Variants in PCDHGB6 observed in about 807,000 individuals in gnomAD.
PCDHGB6 encodes the protein protocadherin gamma subfamily B, 6.
In PCDHGB6, 51 loss-of-function variants were observed where a neutral mutation model predicts 59.1. That is an observed-to-expected ratio of 0.86 (90% CI 0.69 to 1.09). The LOEUF (loss-of-function observed/expected upper bound fraction) is 1.09. PCDHGB6 is among the 50% of genes least tolerant of loss of function. PCDHGB6 has a pLI of 0.00. For missense variants in PCDHGB6, 1,148 were observed against 1,205.1 expected (o/e 0.95, Z 0.70); for synonymous variants, 466 against 495.1 (o/e 0.94, Z 0.78).
At chr5:141,421,184 C>T (rs2096551183) in intron 1 of PCDHGB6, 4 of 1,457,822 alleles carry the variant, frequency 2.7e-6, no homozygotes, top group Non-Finnish European at 3.7e-6. Context: ...CGATTCACAA[C>T]CAACCAGCTC....
intron 1 of PCDHGB6, among the ~76,000 whole-genome samples, chr5:141,449,909 A>G (rs2098658849): frequency 6.6e-6 from 1 of 151,828 alleles, no homozygotes; most frequent in Non-Finnish European, 1.5e-5. Context: ...TATAGTCCAT[A>G]TTTAAATTCT....
At position 141,414,606 on chromosome 5, in the gene PCDHGB6, A is replaced by G. The variant is rs760846889; in HGVS notation, c.2418+3986A>G. ...ACGCCAGGGGTGCCTCCATCTTCTCAGTGACAGCGCTGGACCCGGACAGCA... is the reference window on the plus strand; with the variant it reads ...ACGCCAGGGGTGCCTCCATCTTCTCGGTGACAGCGCTGGACCCGGACAGCA... On this transcript the variant is annotated intron_variant, in intron 1 of 3. Coordinates refer to ENST00000520790, the MANE Select transcript of PCDHGB6 (RefSeq NM_018926.3). The G allele has an allele frequency of 1.6e-5, 26 of 1,613,826 alleles. No homozygotes were observed. In the East Asian group the frequency reaches 5.6e-4, roughly 35 times the overall value.
chr5:141,432,652 C>T lies in PCDHGB6; in HGVS notation c.2418+22032C>T, dbSNP rs1004936183. On this transcript the variant is annotated intron_variant, in intron 1 of 3. Transcript: ENST00000520790. This position sits in a 1 kb window ranked among gnomAD's most constrained non-coding sequence, Gnocchi z 6.0. ...CGGGCGAGGTGCGCACGGCGCGAGC[C>T]CTGCTGGACAGAGACGCGCTCAAGC... The T allele has an allele frequency of 6.2e-7, 1 of 1,613,836 alleles. No individual in the cohort carries two copies. Among genetic ancestry groups the T allele is most frequent in the East Asian group, 2.2e-5 (1 of 44,860 alleles).
At chr5:141,495,499 C>T (rs918858395) in intron 2 of PCDHGB6, among the ~76,000 whole-genome samples, 13 of 152,162 alleles carry the variant, frequency 8.5e-5, no homozygotes, top group African/African-American at 2.9e-4. Context: ...CTTGAGTTTC[C>T]GTCTTTGCCA....
At chr5:141,455,874 T>C (rs2098834969) in intron 1 of PCDHGB6, among the ~76,000 whole-genome samples, 1 of 146,458 alleles carries the variant, frequency 6.8e-6, no homozygotes, top group South Asian at 2.1e-4. Flanking sequence ...TTTATTTATT[T>C]ATTTATTTAT....
At chr5:141,423,006 T>G (rs746057587) in intron 1 of PCDHGB6, 12 of 1,614,078 alleles carry the variant, frequency 7.4e-6, no homozygotes, top group African/African-American at 1.3e-5. Context: ...CCAAGGTGGT[T>G]GCGGTGGACA....
Position 141,408,641 on chromosome 5 carries a change from T to G in PCDHGB6, c.439T>G (p.Ser147Ala). ...EIHLEIFESA[S>A]AGTRLSLDPA... ...ACATTTAGAAATTTTCGAATCTGCATCCGCTGGTACACGACTATCGCTTGA... is the reference window on the plus strand; with the variant it reads ...ACATTTAGAAATTTTCGAATCTGCAGCCGCTGGTACACGACTATCGCTTGA... Residue 147 changes from serine to alanine, a missense_variant, in exon 1 of 4, where the codon TCC (serine) becomes GCC (alanine). Transcript: ENST00000520790. The G allele has an allele frequency of 6.2e-7, 1 of 1,614,034 alleles. No individual in the cohort carries two copies. The highest frequency in any genetic ancestry group is 8.5e-7 in the Non-Finnish European group (1 of 1,179,890).
At chr5:141,470,983 C>G (rs1486663328) in intron 1 of PCDHGB6, among the ~76,000 whole-genome samples, 2 of 151,528 alleles carry the variant, frequency 1.3e-5, no homozygotes, top group African/African-American at 4.9e-5. Context: ...TCCCAAAGTG[C>G]TGGGACTACA....
intron 1 of PCDHGB6, chr5:141,426,204 T>C (rs10046053): frequency 0.11 from 17,599 of 155,696 alleles, 1,197 homozygotes; most frequent in African/African-American, 0.19. Flanking sequence ...TTGAGTTTTC[T>C]ATGTATGGAA....
chr5:141,438,681 G>T (rs2098050580), intron 1 of PCDHGB6, among the ~76,000 whole-genome samples: 1 of 142,154 alleles, frequency 7.0e-6, no homozygotes, highest in South Asian at 2.3e-4. Context: ...TGGAGTAGGG[G>T]ATGGAGTCTT....
chr5:141,494,021 G>C (rs1036188621), intron 1 of PCDHGB6, among the ~76,000 whole-genome samples: 2 of 152,158 alleles, frequency 1.3e-5, no homozygotes, highest in African/African-American at 2.4e-5. Context: ...CCCCTTGGGA[G>C]CCCTGGAGAC....
rs200512171 is a variant in PCDHGB6, at chr5:141,418,143, T to C, written c.2418+7523T>C. ...AAGGACCGAATAGACCGTGAGCAAA[T>C]ATGCAAAGAGAGAAGAAGATGTGAG... On this transcript the variant is annotated intron_variant, in intron 1 of 3. Transcript: ENST00000520790. 2.6e-4 allele frequency: 419 copies of C among 1,613,982 alleles called. 1 individual carries two copies. In the African/African-American group the frequency reaches 5.2e-3, roughly 20 times the overall value.
intron 1 of PCDHGB6, among the ~76,000 whole-genome samples, chr5:141,469,490 G>A (rs1346871954): frequency 3.3e-5 from 5 of 152,146 alleles, no homozygotes; most frequent in East Asian, 3.9e-4. Context: ...CAGGAGAATC[G>A]CTTGAACCCG....
At chr5:141,414,085 G>C (rs1459185694) in intron 1 of PCDHGB6, 1 of 1,600,126 alleles carries the variant, frequency 6.2e-7, no homozygotes, top group Non-Finnish European at 8.5e-7. Context: ...ATATACTGGA[G>C]AAATAAAAAT....
At position 141,487,991 on chromosome 5, in the gene PCDHGB6, G is replaced by C. The variant is rs932744807; in HGVS notation, c.2419-6816G>C. ...GCTGTTTTCTCTACTCTTCCTGAAA[G>C]AGGGGATCAGATTCTGAAGTACCTT... On this transcript the variant is annotated intron_variant, in intron 1 of 3. Coordinates refer to ENST00000520790, the MANE Select transcript of PCDHGB6 (RefSeq NM_018926.3). The surrounding 1 kb of genome is among the most constrained non-coding windows in gnomAD (Gnocchi z 5.0). 2.6e-5 allele frequency among the ~76,000 whole-genome samples: 4 copies of C among 152,194 alleles called. No homozygotes were observed. The highest frequency in any genetic ancestry group is 4.4e-5 in the Non-Finnish European group (3 of 68,030).
At chr5:141,422,515 AGCCCGC>A in intron 1 of PCDHGB6, 1 of 1,614,044 alleles carries the variant, frequency 6.2e-7, no homozygotes, top group Non-Finnish European at 8.5e-7. Flanking sequence ...AGACCAGGGA[AGCCCGC>A]CTTTGTCTGC....
At chr5:141,465,831 T>A (rs997004387) in intron 1 of PCDHGB6, among the ~76,000 whole-genome samples, 1 of 151,980 alleles carries the variant, frequency 6.6e-6, no homozygotes, top group African/African-American at 2.4e-5. Context: ...TTGTTTAAAA[T>A]TTCAACTGAG....
intron 1 of PCDHGB6, among the ~76,000 whole-genome samples, chr5:141,446,824 A>T (rs973108119): frequency 1.3e-5 from 2 of 152,156 alleles, no homozygotes; most frequent in African/African-American, 4.8e-5. Flanking sequence ...AGATGGGTAG[A>T]TCCTTATAAG....
At chr5:141,414,890 C>T in intron 1 of PCDHGB6, 5 of 1,614,232 alleles carry the variant, frequency 3.1e-6, no homozygotes, top group Non-Finnish European at 4.2e-6. Context: ...CCCGCCCTCC[C>T]CACAGACGGT....
Sources: gnomAD v4.1 joint callset for allele counts (sites outside exome capture counted in the v4.1 genomes callset) on GRCh38, gnomAD v4.1.1 for gene constraint, Gnocchi (gnomAD v3.1) non-coding constraint, MANE v1.5 for transcripts, NCBI Gene and HGNC (gene_info 2026-07-23, HGNC 2026-07-21) for gene names.